RETREG1: variants seen among roughly 807,000 people sequenced by gnomAD.
The protein encoded by RETREG1 is family with sequence similarity 134 member B.
RETREG1 carries 44 observed loss-of-function variants against 54.8 expected under a neutral mutation model. The observed-to-expected ratio is 0.80, with a 90% CI of 0.63 to 1.03. The LOEUF is 1.03. RETREG1 is among the 50% of genes least tolerant of loss of function. RETREG1 has a pLI of 0.00. For synonymous variants in RETREG1, 217 were observed against 238.5 expected, an observed-to-expected ratio of 0.91 and a Z score of 0.83; for missense variants, 554 against 605.1, an observed-to-expected ratio of 0.92 and a Z score of 0.89.
In RETREG1 at chr5:16,477,807, A is replaced by G; in HGVS notation, c.874-19T>C. The G allele has an allele frequency of 6.2e-7, 1 of 1,613,188 alleles. No homozygotes were observed. Among genetic ancestry groups the G allele is most frequent in the Non-Finnish European group, 8.5e-7 (1 of 1,179,390 alleles). ...GGCTAATCTGTGTTAATATAAATAAATACCAGCGGCACATTTTAAACTGCT... is the reference window on the plus strand; with the variant it reads ...GGCTAATCTGTGTTAATATAAATAAGTACCAGCGGCACATTTTAAACTGCT... On this transcript the variant is annotated intron_variant, in intron 7 of 8. Transcript: ENST00000306320.
chr5:16,538,202 G>A (rs1741131215), intron 3 of RETREG1, among the ~76,000 whole-genome samples: 1 of 152,104 alleles, frequency 6.6e-6, no homozygotes, highest in South Asian at 2.1e-4. Context: ...ATGGCGCCTG[G>A]CTCCGACTCT....
intron 1 of RETREG1, among the ~76,000 whole-genome samples, chr5:16,576,742 G>A (rs913745358): frequency 2.0e-5 from 3 of 151,962 alleles, no homozygotes; most frequent in Non-Finnish European, 4.4e-5. Context: ...TCGGCCTCCC[G>A]AAGTGCTAGG....
At chr5:16,479,058 C>T in intron 5 of RETREG1, 71 bp from the exon 6 acceptor site, 2 of 1,404,436 alleles carry the variant, frequency 1.4e-6, no homozygotes, top group Non-Finnish European at 2.0e-6. Context: ...CAGTATTTCA[C>T]AAAATACTAC....
rs1157522457 is a variant in RETREG1, at chr5:16,592,031, C to T, written c.321-19929G>A. On this transcript the variant is annotated intron_variant, in intron 1 of 8. Transcript: ENST00000306320. ...TGAATCTGGACTAGAATAGAGTCTA[C>T]AACACAATCCTAAGCTTATATTTCA... Among the ~76,000 whole-genome samples, 3 of 152,120 alleles carry T rather than the reference C, an allele frequency of 2.0e-5. No homozygotes were observed. The East Asian group carries it at 5.8e-4, about 29-fold the overall frequency.
In RETREG1 at chr5:16,478,031, TACCTTAGGACAAAG is replaced by T; in HGVS notation, c.862_873+2del. The T allele has an allele frequency of 6.2e-7, 1 of 1,604,372 alleles. No individual in the cohort carries two copies. The highest frequency in any genetic ancestry group is 8.5e-7 in the Non-Finnish European group (1 of 1,174,612). ...AACAAATTGAAAACTAAACAAAAAA[TACCTTAGGACAAAG>T]AGCTGAAAAGTCTAATTCACTGTCA... is the stretch of plus-strand genomic sequence containing the variant. On this transcript the variant is annotated splice_donor_variant and coding_sequence_variant, in exon 7 of 9. Coordinates refer to ENST00000306320, the MANE Select transcript of RETREG1 (RefSeq NM_001034850.3). LOFTEE classifies it high-confidence loss of function.
intron 1 of RETREG1, among the ~76,000 whole-genome samples, chr5:16,611,426 T>C (rs1743340641): frequency 6.6e-6 from 1 of 152,156 alleles, no homozygotes; most frequent in African/African-American, 2.4e-5. Flanking sequence ...AGAGACGCTT[T>C]CTAGGCTGCA....
At chr5:16,519,616 T>G (rs886864954) in intron 3 of RETREG1, among the ~76,000 whole-genome samples, 3 of 152,128 alleles carry the variant, frequency 2.0e-5, no homozygotes, top group Non-Finnish European at 4.4e-5. Flanking sequence ...ACCAGGACAC[T>G]CAAACCAACA....
At chr5:16,505,127 G>A (rs1001049293) in intron 3 of RETREG1, among the ~76,000 whole-genome samples, 1 of 152,176 alleles carries the variant, frequency 6.6e-6, no homozygotes, top group African/African-American at 2.4e-5. Context: ...ATGTACGGCA[G>A]CCCTACCGCT....
Position 16,557,578 on chromosome 5 carries a change from G to A in RETREG1, c.458+8185C>T, listed in dbSNP as rs149429870. Among the ~76,000 whole-genome samples, 280 of 152,326 alleles carry A rather than the reference G, an allele frequency of 1.8e-3. 2 individuals carry two copies. Among genetic ancestry groups the A allele is most frequent in the African/African-American group, 6.1e-3 (253 of 41,564 alleles). On this transcript the variant is annotated intron_variant, in intron 3 of 8. Transcript: ENST00000306320. ...AATGGATCTGTTCTTTCTTCGGAGA[G>A]AGAAAGAAAAGGGCTTTGACTCTCT...
intron 1 of RETREG1, among the ~76,000 whole-genome samples, chr5:16,576,132 C>T (rs962590645): frequency 5.3e-5 from 8 of 152,114 alleles, no homozygotes; most frequent in African/African-American, 7.2e-5. Context: ...GTAATAAACC[C>T]GGTTTCAACA....
chr5:16,572,212 ACT>A, intron 1 of RETREG1, 110 bp from the exon 2 acceptor site: 1 of 687,790 alleles, frequency 1.5e-6, no homozygotes. Flanking sequence ...TAATGATTTC[ACT>A]TTTTTTTTTT....
intron 3 of RETREG1, among the ~76,000 whole-genome samples, chr5:16,518,906 T>G (rs532337850): frequency 1.3e-5 from 2 of 152,316 alleles, no homozygotes; most frequent in South Asian, 4.1e-4. Flanking sequence ...CAATACAGAA[T>G]TTGTTGCCCG....
intron 3 of RETREG1, among the ~76,000 whole-genome samples, chr5:16,545,036 C>T (rs1741348308): frequency 6.6e-6 from 1 of 152,122 alleles, no homozygotes; most frequent in Non-Finnish European, 1.5e-5. Context: ...GAGAGGAAAG[C>T]AGGCTTCAAA....
Position 16,515,508 on chromosome 5 carries a change from AAC to A in RETREG1, c.459-32038_459-32037del, listed in dbSNP as rs34362532. ...ATAGAACTGTATACATAAAAACACT[AAC>A]ACAACTGGGGGAGACAAAGGTTTGC... On this transcript the variant is annotated intron_variant, in intron 3 of 8. Transcript: ENST00000306320. Among the ~76,000 whole-genome samples the A allele has an allele frequency of 4.6e-3, 696 of 152,320 alleles. 8 individuals are homozygous for A. The highest frequency in any genetic ancestry group is 0.016 in the African/African-American group (663 of 41,568).
rs1438137209 is a variant in RETREG1, at chr5:16,477,902, T to C, written c.874-114A>G. 2.1e-6 allele frequency: 3 copies of C among 1,449,062 alleles called. No individual in the cohort carries two copies. In the African/African-American group the frequency reaches 4.3e-5, roughly 21 times the overall value. The allele number at this position is 1,449,062 out of a possible 1,614,324, so 89.8% of individuals were successfully genotyped here. On this transcript the variant is annotated intron_variant, in intron 7 of 8. Transcript: ENST00000306320. ...GAGTAATAAAAACCAAATGGATATTTTTATTTTGAAATCATTCAGTCATCT... is the reference window on the plus strand; with the variant it reads ...GAGTAATAAAAACCAAATGGATATTCTTATTTTGAAATCATTCAGTCATCT...
rs115102613 is a variant in RETREG1, at chr5:16,496,418, C to T, written c.459-12946G>A. ...ATGGACCTTGCCCCATCCACATTGCCACCAGCAGGAAGGGGTAAAAAGAAG... is the reference window on the plus strand; with the variant it reads ...ATGGACCTTGCCCCATCCACATTGCTACCAGCAGGAAGGGGTAAAAAGAAG... On this transcript the variant is annotated intron_variant, in intron 3 of 8. Coordinates refer to ENST00000306320, the MANE Select transcript of RETREG1 (RefSeq NM_001034850.3). 4.5e-3 allele frequency among the ~76,000 whole-genome samples: 689 copies of T among 152,290 alleles called. 7 individuals are homozygous for T. The highest frequency in any genetic ancestry group is 0.015 in the African/African-American group (637 of 41,554).
intron 3 of RETREG1, among the ~76,000 whole-genome samples, chr5:16,542,976 C>A (rs1219661953): frequency 2.0e-5 from 3 of 152,198 alleles, no homozygotes; most frequent in Non-Finnish European, 2.9e-5. Flanking sequence ...TCTGGTACCC[C>A]TTTTAATGCT....
intron 1 of RETREG1, among the ~76,000 whole-genome samples, chr5:16,601,921 G>A (rs1743065453): frequency 6.6e-6 from 1 of 152,198 alleles, no homozygotes; most frequent in African/African-American, 2.4e-5. Context: ...GCCAGCTCAA[G>A]TGCAACACTG....
At chr5:16,488,636 G>C (rs1383371941) in intron 3 of RETREG1, among the ~76,000 whole-genome samples, 1 of 152,210 alleles carries the variant, frequency 6.6e-6, no homozygotes, top group Non-Finnish European at 1.5e-5. Context: ...AGAAGGAACA[G>C]TGTCTTTGGC....
Sources: allele counts gnomAD v4.1 joint callset (sites outside exome capture counted in the v4.1 genomes callset), GRCh38; gene constraint gnomAD v4.1.1; transcripts MANE v1.5; gene names NCBI Gene and HGNC (gene_info 2026-07-23, HGNC 2026-07-21).